LIPC: variants seen among roughly 807,000 people sequenced by gnomAD.
The protein encoded by LIPC is hepatic triacylglycerol lipase.
In LIPC, 44 loss-of-function variants were observed where a neutral mutation model predicts 50.7. That is an observed-to-expected ratio of 0.87 (90% CI 0.68 to 1.11). The LOEUF is 1.11. Among genes scored for constraint, LIPC ranks in the 50% most tolerant of loss-of-function variants. The pLI is 0.00. For missense variants in LIPC, 697 were observed against 648.2 expected, an observed-to-expected ratio of 1.08 and a Z score of -0.82; for synonymous variants, 271 against 256.4, an observed-to-expected ratio of 1.06 and a Z score of -0.54.
chr15:58,537,953 AGCGACACCT>A (rs1483018684), intron 1 of LIPC, among the ~76,000 whole-genome samples: 3 of 152,220 alleles, frequency 2.0e-5, no homozygotes, highest in Non-Finnish European at 4.4e-5. Flanking sequence ...AATTGGAGAC[AGCGACACCT>A]GGGTTCAAAT....
Position 58,565,592 on chromosome 15 carries a change from A to G in LIPC, c.1388+1869A>G, listed in dbSNP as rs1595961124. On this transcript the variant is annotated intron_variant, in intron 8 of 8. Transcript: ENST00000299022. Reference sequence around the variant, plus strand: ...AGATTAGGAACCTGAGGCTCACAGAAGTTACACAGCTTGAGGACATTGCTC... The same window carrying G: ...AGATTAGGAACCTGAGGCTCACAGAGGTTACACAGCTTGAGGACATTGCTC... 3 of 1,113,618 alleles carry G rather than the reference A, an allele frequency of 2.7e-6. No homozygotes were observed. The East Asian group carries it at 1.4e-4, about 53-fold the overall frequency. 69.0% of individuals were successfully genotyped at this position (1,113,618 alleles called of 1,614,324 possible).
In LIPC at chr15:58,536,281, T is replaced by C. The variant is rs115673124; in HGVS notation, c.89-2052T>C. ...CAAAAGGGCATTTGGGAACTGTTGGTAGCAGGAGAACGAAAAGAGAGGAGG... is the reference window on the plus strand; with the variant it reads ...CAAAAGGGCATTTGGGAACTGTTGGCAGCAGGAGAACGAAAAGAGAGGAGG... On this transcript the variant is annotated intron_variant, in intron 1 of 8. Coordinates refer to ENST00000299022, the MANE Select transcript of LIPC (RefSeq NM_000236.3). Among the ~76,000 whole-genome samples the C allele has an allele frequency of 4.4e-3, 673 of 152,120 alleles. 6 individuals are homozygous for C. The highest frequency in any genetic ancestry group is 0.015 in the African/African-American group (633 of 41,486).
At chr15:58,557,389 T>TTTTTTC (rs1317345654) in intron 6 of LIPC, among the ~76,000 whole-genome samples, 4 of 119,564 alleles carry the variant, frequency 3.3e-5, no homozygotes, top group Admixed American at 8.6e-5. Context: ...CTTTTTTTTT[T>TTTTTTC]TTTTTTTTTT....
chr15:58,562,944 T>C (rs1894216418), intron 7 of LIPC, among the ~76,000 whole-genome samples: 1 of 152,194 alleles, frequency 6.6e-6, no homozygotes, highest in South Asian at 2.1e-4. Context: ...GATATTTTAG[T>C]GTCTTGGAGA....
intron 5 of LIPC, among the ~76,000 whole-genome samples, 162 bp from the exon 6 acceptor site, chr15:58,548,168 G>T (rs1305193381): frequency 2.0e-5 from 3 of 152,032 alleles, no homozygotes; most frequent in Non-Finnish European, 4.4e-5. Flanking sequence ...TCAGTCAGTT[G>T]TCACATCCTG....
rs1403872056 is a variant in LIPC at position 58,567,210 on chromosome 15, A to AT, written c.1389-1506_1389-1505insT. 4.0e-4 allele frequency among the ~76,000 whole-genome samples: 42 copies of AT among 106,066 alleles called. 1 individual carries two copies. In the South Asian group the frequency reaches 0.012, roughly 30 times the overall value. 69.6% of individuals were successfully genotyped at this position (106,066 alleles called of 152,430 possible). On this transcript the variant is annotated intron_variant, in intron 8 of 8. Transcript: ENST00000299022. ...AGCGAGACTCCGTCTCAAAAAAAAT[A>AT]AAAAATATATATATATATATGTATA...
chr15:58,512,022 C>G (rs1441804679), intron 1 of LIPC, among the ~76,000 whole-genome samples: 1 of 152,134 alleles, frequency 6.6e-6, no homozygotes, highest in South Asian at 2.1e-4. Flanking sequence ...GAAATCACAA[C>G]CATAATACAA....
At chr15:58,468,202 G>A (rs1174966695) in intron 1 of LIPC, among the ~76,000 whole-genome samples, 3 of 152,064 alleles carry the variant, frequency 2.0e-5, no homozygotes, top group African/African-American at 4.8e-5. Flanking sequence ...TGTCTATACT[G>A]CACCTGCATG....
chr15:58,484,965 A>G (rs1305509991), intron 1 of LIPC, among the ~76,000 whole-genome samples: 1 of 152,188 alleles, frequency 6.6e-6, no homozygotes, highest in Non-Finnish European at 1.5e-5. Context: ...CCACCAGAAA[A>G]GGAGGGTGGA....
intron 1 of LIPC, among the ~76,000 whole-genome samples, chr15:58,433,337 T>C (rs1266070588): frequency 6.6e-6 from 1 of 152,244 alleles, no homozygotes; most frequent in Non-Finnish European, 1.5e-5. Context: ...GCCTCTATCA[T>C]AAATCCTCAA....
chr15:58,556,084 T>C (rs1334200077), intron 6 of LIPC, among the ~76,000 whole-genome samples: 12 of 152,194 alleles, frequency 7.9e-5, no homozygotes, highest in Non-Finnish European at 1.8e-4. Context: ...CAGCAGGGCA[T>C]CATTATTTAG....
At chr15:58,541,658 C>A in intron 2 of LIPC, 127 bp from the exon 3 acceptor site, 1 of 953,650 alleles carries the variant, frequency 1.0e-6, no homozygotes, top group Non-Finnish European at 1.6e-6. Flanking sequence ...CCCAAAATGT[C>A]AACTGTGCAT....
intron 1 of LIPC, among the ~76,000 whole-genome samples, chr15:58,531,997 A>G (rs1892974812): frequency 6.6e-6 from 1 of 152,202 alleles, no homozygotes; most frequent in South Asian, 2.1e-4. Flanking sequence ...GAGGTTCGAC[A>G]TTATAGTGAA....
intron 1 of LIPC, chr15:58,521,484 G>A (rs1444331703): frequency 6.6e-6 from 1 of 152,230 alleles, no homozygotes. Context: ...AGGAAGAGGA[G>A]AGAGGTTCCA....
intron 1 of LIPC, among the ~76,000 whole-genome samples, chr15:58,462,389 T>C (rs1412510130): frequency 6.6e-6 from 1 of 152,164 alleles, no homozygotes; most frequent in African/African-American, 2.4e-5. Context: ...CCAACCCTAT[T>C]CTGTCCCCCT....
intron 1 of LIPC, chr15:58,432,499 T>C (rs1276070097): frequency 3.3e-6 from 1 of 307,520 alleles, no homozygotes; most frequent in Non-Finnish European, 6.3e-6. Flanking sequence ...AATGAAATGC[T>C]CTGTCGGGTT....
At chr15:58,457,073 G>T (rs1282993506) in intron 1 of LIPC, among the ~76,000 whole-genome samples, 1 of 152,188 alleles carries the variant, frequency 6.6e-6, no homozygotes, top group Non-Finnish European at 1.5e-5. Flanking sequence ...AGCACTGGGC[G>T]ATGTGGGCTG....
intron 4 of LIPC, among the ~76,000 whole-genome samples, chr15:58,544,803 G>A (rs1328065084): frequency 3.3e-5 from 5 of 152,158 alleles, no homozygotes; most frequent in African/African-American, 1.2e-4. Flanking sequence ...CCAGGGCTGG[G>A]GTGGGACACC....
At chr15:58,499,622 C>G (rs1414038952) in intron 1 of LIPC, among the ~76,000 whole-genome samples, 1 of 152,192 alleles carries the variant, frequency 6.6e-6, no homozygotes, top group Non-Finnish European at 1.5e-5. Context: ...AACTCTTCCG[C>G]TCCGGTTTCT....
Sources: allele counts gnomAD v4.1 joint callset (sites outside exome capture counted in the v4.1 genomes callset), GRCh38; gene constraint gnomAD v4.1.1; transcripts MANE v1.5; gene names NCBI Gene and HGNC (gene_info 2026-07-23, HGNC 2026-07-21).